The following CPT1C variants were observed in gnomAD, a reference collection of about 807,000 sequenced individuals.
CPT1C encodes carnitine palmitoyltransferase 1C, also known as palmitoyl thioesterase CPT1C.
CPT1C carries 61 observed loss-of-function variants against 97.3 expected under a neutral mutation model. The ratio of observed to expected loss-of-function variants is 0.63; its 90% CI spans 0.51 to 0.78. CPT1C has a LOEUF of 0.78. Ranked by LOEUF, CPT1C falls within the 30% of genes least tolerant of loss-of-function variation. The probability of loss-of-function intolerance (pLI) is 0.00; values close to 1 mark genes in which losing one functional copy is unlikely to be tolerated. For missense variants in CPT1C, 975 were observed against 1,065.5 expected, an observed-to-expected ratio of 0.92 and a Z score of 1.18; for synonymous variants, 469 against 447.2, an observed-to-expected ratio of 1.05 and a Z score of -0.61.
At chr19:49,697,242 G>A in intron 3 of CPT1C, 84 bp from the exon 4 acceptor site, 1 of 1,565,592 alleles carries the variant, frequency 6.4e-7, no homozygotes, top group Non-Finnish European at 8.8e-7. Context: ...CGCACTGGGT[G>A]CTCAGTAATG....
chr19:49,702,943 T>C (rs1254959012), intron 7 of CPT1C, among the ~76,000 whole-genome samples: 1 of 152,090 alleles, frequency 6.6e-6, no homozygotes, highest in Non-Finnish European at 1.5e-5. Flanking sequence ...ACGAGGCAGC[T>C]ATGTGGAAGC....
In CPT1C at chr19:49,700,618, G is replaced by A. The variant is rs541880055; in HGVS notation, c.282-66G>A. 9.0e-5 allele frequency: 139 copies of A among 1,552,684 alleles called. 1 individual carries two copies. The South Asian group carries it at 1.3e-3, about 15-fold the overall frequency. On this transcript the variant is annotated intron_variant, in intron 4 of 19. Coordinates refer to ENST00000598293, the MANE Select transcript of CPT1C (RefSeq NM_001199753.2). The stretch of plus-strand genomic sequence containing the variant: ...AAAGATCAGCGCAGGGGCTGGAGGG[G>A]GCTGGAAGGGAGGGAGGTTCTGAGG...
chr19:49,699,457 T>TAAAAAAAAAAAAAAAAAA (rs71180647), intron 4 of CPT1C, among the ~76,000 whole-genome samples: 4 of 35,252 alleles, frequency 1.1e-4, no homozygotes, highest in Admixed American at 5.0e-4. Flanking sequence ...CCCCTGTCTC[T>TAAAAAAAAAAAAAAAAAA]AAAAAAAAAA....
intron 17 of CPT1C, 30 bp from the exon 18 acceptor site, chr19:49,712,706 C>A: frequency 2.7e-6 from 4 of 1,498,178 alleles, no homozygotes; most frequent in Non-Finnish European, 3.7e-6. Flanking sequence ...AGATCTCTGT[C>A]CTGCACATGT....
At position 49,713,668 on chromosome 19, in the gene CPT1C, C is replaced by T. The variant is rs1473451813; in HGVS notation, c.*63C>T. 5 of 1,511,134 alleles carry T rather than the reference C, an allele frequency of 3.3e-6. No individual in the cohort carries two copies. In the Admixed American group the frequency reaches 9.5e-5, roughly 29 times the overall value. 93.6% of individuals were successfully genotyped at this position (1,511,134 alleles called of 1,614,324 possible). ...GGGTGAAATTGCCACAGCTGGCTGA[C>T]ACAGGACAGGGGCAACTGGTTTGGC... On this transcript the variant is annotated 3_prime_UTR_variant, in exon 20 of 20. Transcript: ENST00000598293.
At chr19:49,711,989 G>C in intron 17 of CPT1C, 28 bp downstream of exon 17, 1 of 1,604,794 alleles carries the variant, frequency 6.2e-7, no homozygotes, top group Non-Finnish European at 8.5e-7. Flanking sequence ...GGGTTAGAGA[G>C]GGAAGTGGGA....
At chr19:49,712,571 AG>A in intron 17 of CPT1C, 164 bp from the exon 18 acceptor site, 1 of 613,024 alleles carries the variant, frequency 1.6e-6, no homozygotes, top group South Asian at 1.9e-5. Context: ...GAGACGAGTG[AG>A]GGGCGTGGCC....
intron 7 of CPT1C, among the ~76,000 whole-genome samples, chr19:49,704,224 T>G (rs1027699167): frequency 5.9e-5 from 9 of 152,184 alleles, no homozygotes; most frequent in African/African-American, 2.2e-4. Context: ...CAGGCTGGAG[T>G]GCAATGGTGC....
At chr19:49,698,394 G>A (rs2082791172) in intron 4 of CPT1C, among the ~76,000 whole-genome samples, 1 of 151,900 alleles carries the variant, frequency 6.6e-6, no homozygotes, top group Non-Finnish European at 1.5e-5. Context: ...CAAGCATGGT[G>A]GTTTACACCT....
intron 8 of CPT1C, 85 bp from the exon 9 acceptor site, chr19:49,704,922 G>C (rs2083415517): frequency 2.8e-6 from 4 of 1,412,096 alleles, no homozygotes; most frequent in Admixed American, 3.5e-5. Context: ...CCTCTTTTGG[G>C]GTCAGGACCT....
intron 12 of CPT1C, 40 bp from the exon 13 acceptor site, chr19:49,707,478 C>T: frequency 6.9e-7 from 1 of 1,450,820 alleles, no homozygotes; most frequent in Non-Finnish European, 9.7e-7. Flanking sequence ...GGTCCCCGTG[C>T]CCCTCGCTCT....
At chr19:49,700,533 G>T in intron 4 of CPT1C, 151 bp from the exon 5 acceptor site, 1 of 742,622 alleles carries the variant, frequency 1.3e-6, no homozygotes, top group Non-Finnish European at 2.2e-6. Flanking sequence ...GGGGCTGGAG[G>T]GGGTGACAGA....
intron 4 of CPT1C, among the ~76,000 whole-genome samples, chr19:49,699,349 C>T (rs1337674528): frequency 2.7e-5 from 4 of 146,428 alleles, no homozygotes. Context: ...AGACGGAGGC[C>T]GGGCACAGTG....
In CPT1C at chr19:49,701,306, C is replaced by T. The variant is rs772362325; in HGVS notation, c.454-11C>T. The T allele has an allele frequency of 2.3e-5, 37 of 1,608,440 alleles. No individual in the cohort carries two copies. The East Asian group carries it at 8.3e-4, about 36-fold the overall frequency. Reference sequence around the variant, plus strand: ...TGAGGGGTTAATGACCCGGTAACTCCTCCTCCCCAGGCCCTGGTCCGCATC... The same window carrying T: ...TGAGGGGTTAATGACCCGGTAACTCTTCCTCCCCAGGCCCTGGTCCGCATC... On this transcript the variant is annotated splice_polypyrimidine_tract_variant and intron_variant, in intron 5 of 19. Transcript: ENST00000598293.
chr19:49,705,846 A>G (rs940434689), intron 10 of CPT1C, 63 bp from the exon 11 acceptor site: 34 of 1,429,986 alleles, frequency 2.4e-5, no homozygotes, highest in South Asian at 1.0e-4. Context: ...TATATAATAA[A>G]TGGTCACTAT....
In CPT1C at chr19:49,703,096, C is replaced by T. The variant is rs921996407; in HGVS notation, c.693+1462C>T. 1.3e-4 allele frequency among the ~76,000 whole-genome samples: 19 copies of T among 151,592 alleles called. No individual in the cohort carries two copies. The Middle Eastern group carries it at 0.017, about 136-fold the overall frequency. On this transcript the variant is annotated intron_variant, in intron 7 of 19. Transcript: ENST00000598293. ...ACACACACACACACACACACACACA[C>T]ACACTCATTTCTTTCTTCCCTTCCT...
Position 49,708,714 on chromosome 19 carries a change from T to G in CPT1C, c.1450-9T>G. The G allele has an allele frequency of 6.2e-7, 1 of 1,605,440 alleles. No individual in the cohort carries two copies. The highest frequency in any genetic ancestry group is 1.7e-5 in the Admixed American group (1 of 59,984). ...GGAAGGGACTCTAACAGCCTCTGTT[T>G]GCCCACAGTTCACTCTGGCTACAGA... On this transcript the variant is annotated splice_polypyrimidine_tract_variant and intron_variant, in intron 13 of 19. Transcript: ENST00000598293.
chr19:49,713,374 A>G, intron 19 of CPT1C, 46 bp from the exon 20 acceptor site: 1 of 1,536,542 alleles, frequency 6.5e-7, no homozygotes, highest in Non-Finnish European at 8.9e-7. Context: ...AGCCTCCAGG[A>G]TCCCATCTCC....
At position 49,706,066 on chromosome 19, in the gene CPT1C, C is replaced by T; in HGVS notation, c.1122C>T (p.Pro374=). ...RILDDPSPAC[P]HEEHLAALTA... The stretch of plus-strand genomic sequence containing the variant: ...TGGATGATCCCTCACCGGCCTGCCC[C>T]CACGAGGAACATCTGGCAGCTCTGA... Residue 374 remains proline (P), a synonymous_variant, in exon 11 of 20, where the codon CCC becomes CCT. Coordinates refer to ENST00000598293, the MANE Select transcript of CPT1C (RefSeq NM_001199753.2). This position sits in a 1 kb window ranked among gnomAD's most constrained non-coding sequence, Gnocchi z 4.8. 1.9e-6 allele frequency: 3 copies of T among 1,613,822 alleles called. No homozygotes were observed. The highest frequency in any genetic ancestry group is 2.5e-6 in the Non-Finnish European group (3 of 1,179,870).
Sources: allele counts gnomAD v4.1 joint callset (sites outside exome capture counted in the v4.1 genomes callset), GRCh38; gene constraint gnomAD v4.1.1; non-coding constraint Gnocchi (gnomAD v3.1); transcripts MANE v1.5; gene names NCBI Gene and HGNC (gene_info 2026-07-23, HGNC 2026-07-21).